Variants in MINDY4 observed in about 807,000 individuals in gnomAD.
MINDY4 encodes the protein probable ubiquitin carboxyl-terminal hydrolase MINDY-4.
MINDY4 carries 68 observed loss-of-function variants against 87.0 expected under a neutral mutation model. The observed-to-expected ratio is 0.78, with a 90% CI of 0.64 to 0.96. The LOEUF (loss-of-function observed/expected upper bound fraction) is 0.96, where lower values mean the gene tolerates loss of function less well. Among genes scored for constraint, MINDY4 ranks in the 40% least tolerant of loss-of-function variants. The pLI, the probability that MINDY4 is intolerant of heterozygous loss-of-function variation, is 0.00. For missense variants in MINDY4, 919 were observed against 928.2 expected (o/e 0.99, Z 0.13); for synonymous variants, 379 against 363.2 (o/e 1.04, Z -0.50).
At chr7:30,834,845 C>G (rs982519825) in intron 6 of MINDY4, among the ~76,000 whole-genome samples, 1 of 152,212 alleles carries the variant, frequency 6.6e-6, no homozygotes, top group South Asian at 2.1e-4. Flanking sequence ...TGCTGCCAAT[C>G]TCTGCTAGAA....
At chr7:30,852,466 A>T in intron 11 of MINDY4, 187 bp downstream of exon 11, 1 of 715,874 alleles carries the variant, frequency 1.4e-6, no homozygotes, top group Non-Finnish European at 1.7e-6. Flanking sequence ...CTCCTGCTAG[A>T]GCTGGCTTTA....
intron 12 of MINDY4, among the ~76,000 whole-genome samples, chr7:30,855,536 T>TAAGGTGGAGCCTG (rs1244123032): frequency 5.8e-4 from 88 of 152,324 alleles, no homozygotes; most frequent in African/African-American, 1.9e-3. Context: ...CTTCAGGGGC[T>TAAGGTGGAGCCTG]AAGGTGGAGC....
intron 6 of MINDY4, among the ~76,000 whole-genome samples, chr7:30,834,490 C>T (rs1435948020): frequency 1.3e-5 from 2 of 152,218 alleles, no homozygotes; most frequent in Admixed American, 6.5e-5. Context: ...TCCTAGGCCT[C>T]CGGGTCTGTG....
rs1171363344 is a variant in MINDY4 at position 30,778,538 on chromosome 7, A to G, written c.170A>G (p.Tyr57Cys). ...AAGGTTTTGCATCTTGAATTTCTCT[A>G]TAAGGAGAACAAGGTATGTGCTTTC... ...LRKVLHLEFLYKENKAKENPL... is the reference protein window; with the variant it reads ...LRKVLHLEFLCKENKAKENPL... The change falls in exon 2 of 18, where the codon TAT becomes TGT. Residue 57 changes from tyrosine to cysteine, a missense_variant. By Grantham distance (194) the Tyr-to-Cys change is radical. Coordinates refer to ENST00000265299, the MANE Select transcript of MINDY4 (RefSeq NM_032222.3). 3 of 1,614,242 alleles carry G rather than the reference A, an allele frequency of 1.9e-6. No individual in the cohort carries two copies. The highest frequency in any genetic ancestry group is 2.2e-5 in the East Asian group (1 of 44,894).
intron 5 of MINDY4, among the ~76,000 whole-genome samples, chr7:30,810,668 T>G (rs180938178): frequency 2.5e-4 from 38 of 152,310 alleles, no homozygotes; most frequent in African/African-American, 7.7e-4. Context: ...ATAAAAATCT[T>G]ACCTTATGGT....
At position 30,892,017 on chromosome 7, in the gene MINDY4, G is replaced by A. The variant is rs766092036; in HGVS notation, c.*12G>A. 4 of 1,614,044 alleles carry A rather than the reference G, an allele frequency of 2.5e-6. No individual in the cohort carries two copies. The highest frequency in any genetic ancestry group is 2.2e-5 in the East Asian group (1 of 44,876). On this transcript the variant is annotated 3_prime_UTR_variant, in exon 18 of 18. Coordinates refer to ENST00000265299, the MANE Select transcript of MINDY4 (RefSeq NM_032222.3). Reference sequence around the variant, plus strand: ...ACCCCATCCTGTGACCGTTGGATGTGGGTAAACCCTGTGGTCCACCACTCA... The same window carrying A: ...ACCCCATCCTGTGACCGTTGGATGTAGGTAAACCCTGTGGTCCACCACTCA...
In MINDY4 at chr7:30,853,419, A is replaced by C. The variant is rs182237969; in HGVS notation, c.1637A>C (p.Tyr546Ser). 2.5e-6 allele frequency: 4 copies of C among 1,613,670 alleles called. No individual in the cohort carries two copies. Among genetic ancestry groups the C allele is most frequent in the Non-Finnish European group, 3.4e-6 (4 of 1,179,874 alleles). The change falls in exon 12 of 18, where the codon TAT becomes TCT. Residue 546 changes from tyrosine (Y) to serine (S), a missense_variant. Physicochemically the swap from Tyr to Ser is moderately radical, Grantham distance 144 (BLOSUM62 -2). Coordinates refer to ENST00000265299, the MANE Select transcript of MINDY4 (RefSeq NM_032222.3). ...ETLTLHSLTC[Y>S]EDLVTFLQQS... ...CTTACGCTTCACAGTTTGACCTGCT[A>C]TGAGGACCTGGTGACTTTTCTTCAA... is the stretch of plus-strand genomic sequence containing the variant.
At chr7:30,818,939 T>C (rs555325153) in intron 5 of MINDY4, among the ~76,000 whole-genome samples, 1 of 152,240 alleles carries the variant, frequency 6.6e-6, no homozygotes, top group Non-Finnish European at 1.5e-5. Flanking sequence ...TTTTCACTCT[T>C]AGTATTGTTT....
intron 13 of MINDY4, among the ~76,000 whole-genome samples, chr7:30,866,970 A>G (rs1046372593): frequency 6.6e-6 from 1 of 152,128 alleles, no homozygotes; most frequent in Non-Finnish European, 1.5e-5. Flanking sequence ...TACTGCTTTG[A>G]GAATGGAAAC....
chr7:30,781,201 A>G (rs1787000581), intron 2 of MINDY4: 2 of 152,256 alleles, frequency 1.3e-5, no homozygotes, highest in South Asian at 2.1e-4. Context: ...GGACTGACAC[A>G]TGGCTGGGTC....
rs756715663 is a variant in MINDY4 at position 30,891,967 on chromosome 7, GCATCAGTGAACTGGAACGGCT to G, written c.2239_2259del (p.Ser747_Ser753del). ...TCACTCTACGCTTAGGTGGAAGGGG[GCATCAGTGAACTGGAACGGCT>G]CAGACCCCATCCTGTGACCGTTGGA... On this transcript the variant is annotated inframe_deletion, in exon 18 of 18. Coordinates refer to ENST00000265299, the MANE Select transcript of MINDY4 (RefSeq NM_032222.3). The G allele has an allele frequency of 5.0e-6, 8 of 1,614,150 alleles. No homozygotes were observed. The African/African-American group carries it at 1.1e-4, about 22-fold the overall frequency.
intron 5 of MINDY4, among the ~76,000 whole-genome samples, chr7:30,815,753 T>TCTTGTACC (rs1788128777): frequency 6.6e-6 from 1 of 152,122 alleles, no homozygotes; most frequent in Non-Finnish European, 1.5e-5. Context: ...AACTCCTGCC[T>TCTTGTACC]CTTGTACCAG....
chr7:30,831,911 C>G (rs1297559208), intron 6 of MINDY4, among the ~76,000 whole-genome samples: 1 of 152,182 alleles, frequency 6.6e-6, no homozygotes, highest in Non-Finnish European at 1.5e-5. Flanking sequence ...ACATTTAAAC[C>G]AGGACCTTAG....
chr7:30,776,460 C>G (rs992496453), intron 1 of MINDY4, among the ~76,000 whole-genome samples: 16 of 152,202 alleles, frequency 1.1e-4, no homozygotes, highest in Non-Finnish European at 2.2e-4. Flanking sequence ...CCACACCCAC[C>G]CTAGCCCTCT....
At chr7:30,772,992 C>A (rs1178809349) in intron 1 of MINDY4, among the ~76,000 whole-genome samples, 2 of 152,150 alleles carry the variant, frequency 1.3e-5, no homozygotes, top group Non-Finnish European at 2.9e-5. Flanking sequence ...CCCACCACCC[C>A]CCACTTGACA....
At chr7:30,789,946 C>G (rs1044661673) in intron 4 of MINDY4, among the ~76,000 whole-genome samples, 8 of 152,152 alleles carry the variant, frequency 5.3e-5, no homozygotes, top group Non-Finnish European at 1.5e-5. Flanking sequence ...TCTTGAGTGC[C>G]TGTTAGGTAT....
At chr7:30,848,647 C>T (rs1789301780) in intron 9 of MINDY4, among the ~76,000 whole-genome samples, 1 of 152,166 alleles carries the variant, frequency 6.6e-6, no homozygotes, top group Non-Finnish European at 1.5e-5. Flanking sequence ...GTGACCTGGG[C>T]CAGTGCTCCC....
chr7:30,791,045 G>A (rs1036201796), intron 4 of MINDY4, 120 bp from the exon 5 acceptor site: 22 of 1,005,708 alleles, frequency 2.2e-5, no homozygotes, highest in South Asian at 1.6e-4. Flanking sequence ...GAAAGAGTCC[G>A]AGGTGGGAAA....
intron 6 of MINDY4, among the ~76,000 whole-genome samples, chr7:30,835,203 A>G (rs1412154380): frequency 6.6e-6 from 1 of 152,264 alleles, no homozygotes; most frequent in Non-Finnish European, 1.5e-5. Context: ...TAAATTGCAC[A>G]TGGCTGGGGA....
Sources: allele counts gnomAD v4.1 joint callset (sites outside exome capture counted in the v4.1 genomes callset), GRCh38; gene constraint gnomAD v4.1.1; transcripts MANE v1.5; gene names NCBI Gene and HGNC (gene_info 2026-07-23, HGNC 2026-07-21).